CLTC: variants seen among roughly 807,000 people sequenced by gnomAD.
CLTC encodes the protein clathrin heavy chain.
CLTC carries 16 observed loss-of-function variants against 195.8 expected under a neutral mutation model. The observed-to-expected ratio is 0.08, with a 90% CI of 0.06 to 0.12. The LOEUF (loss-of-function observed/expected upper bound fraction) is 0.12, where lower values mean the gene tolerates loss of function less well. Ranked by LOEUF, CLTC falls within the 10% of genes least tolerant of loss-of-function variation. The probability of loss-of-function intolerance (pLI) is 1.00; values close to 1 mark genes in which losing one functional copy is unlikely to be tolerated. For missense variants in CLTC, 796 were observed against 2,027.0 expected (o/e 0.39, Z 11.66); for synonymous variants, 667 against 689.4 (o/e 0.97, Z 0.51).
At chr17:59,671,760 C>T (rs756575515) in intron 14 of CLTC, among the ~76,000 whole-genome samples, 11 of 152,202 alleles carry the variant, frequency 7.2e-5, no homozygotes, top group Admixed American at 5.2e-4. Flanking sequence ...TAACCTTGTC[C>T]TGCCGAAGGG....
At chr17:59,672,452 T>C (rs1259468621) in intron 14 of CLTC, among the ~76,000 whole-genome samples, 1 of 9,586 alleles carries the variant, frequency 1.0e-4, no homozygotes, top group Non-Finnish European at 5.4e-4. Flanking sequence ...GATCCATACT[T>C]TTTTGATGTT....
intron 1 of CLTC, among the ~76,000 whole-genome samples, chr17:59,640,642 C>T (rs998037564): frequency 1.4e-4 from 21 of 151,586 alleles, no homozygotes; most frequent in African/African-American, 1.5e-4. Context: ...TCGTGATCCA[C>T]GCCCCCTTGG....
intron 18 of CLTC, 104 bp downstream of exon 18, chr17:59,679,623 C>A: frequency 1.9e-6 from 2 of 1,036,300 alleles, no homozygotes; most frequent in Non-Finnish European, 2.6e-6. Flanking sequence ...TCATATATAA[C>A]TATGAGAGAA....
At chr17:59,687,008 C>T in intron 30 of CLTC, 2 of 988,752 alleles carry the variant, frequency 2.0e-6, no homozygotes, top group Non-Finnish European at 1.2e-6. Flanking sequence ...CAGGTTGATG[C>T]AATAAAGGAA....
intron 31 of CLTC, among the ~76,000 whole-genome samples, chr17:59,692,019 T>A (rs1244314924): frequency 6.6e-6 from 1 of 152,164 alleles, no homozygotes; most frequent in African/African-American, 2.4e-5. Context: ...GATGACTTTT[T>A]AAAAACTGGT....
rs2033430417 is a variant in CLTC, at chr17:59,696,539, CAAGA to C, written c.*2688_*2691del. The C allele has an allele frequency of 1.0e-5, 2 of 194,864 alleles. No homozygotes were observed. Among genetic ancestry groups the C allele is most frequent in the Admixed American group, 1.3e-4 (2 of 15,714 alleles). 12.1% of individuals were successfully genotyped at this position (194,864 alleles called of 1,614,324 possible). A position where few individuals can be genotyped will look rare whatever the true frequency, so the allele number is the denominator to read the frequency against. ...AAAAGAAGGCTTAAATAGTTTCTAA[CAAGA>C]TGACTATCAGGAAGCTATGTGGCTT... On this transcript the variant is annotated 3_prime_UTR_variant, in exon 32 of 32. Coordinates refer to ENST00000269122, the MANE Select transcript of CLTC (RefSeq NM_004859.4).
chr17:59,651,462 C>T (rs1219937291), intron 5 of CLTC, 146 bp downstream of exon 5: 6 of 640,114 alleles, frequency 9.4e-6, no homozygotes, highest in Non-Finnish European at 1.6e-5. Context: ...TAAAATAATA[C>T]CTTGGCTTTT....
chr17:59,636,532 T>C (rs1441383432), intron 1 of CLTC, among the ~76,000 whole-genome samples: 1 of 152,072 alleles, frequency 6.6e-6, no homozygotes. Context: ...CTCAGCTCAC[T>C]GCAACCTCTG....
rs2143573199 is a variant in CLTC at position 59,673,709 on chromosome 17, T to C, written c.2355T>C (p.His785=). Residue 785 remains histidine, a synonymous_variant, in exon 15 of 32, where the codon CAT becomes CAC. Transcript: ENST00000269122. Reference sequence around the variant, plus strand: ...TGTGTGATCGATTTGACTTTGTCCATGATTTGGTGCTCTATTTATATAGAA... The same window carrying C: ...TGTGTGATCGATTTGACTTTGTCCACGATTTGGTGCTCTATTTATATAGAA... The part of the protein sequence containing the change: ...IIVCDRFDFV[H]DLVLYLYRNN... 6.4e-7 allele frequency: 1 copy of C among 1,574,570 alleles called. No individual in the cohort carries two copies. Among genetic ancestry groups the C allele is most frequent in the East Asian group, 2.2e-5 (1 of 44,608 alleles).
At chr17:59,638,071 C>T (rs1303266568) in intron 1 of CLTC, among the ~76,000 whole-genome samples, 2 of 151,188 alleles carry the variant, frequency 1.3e-5, no homozygotes, top group African/African-American at 4.9e-5. Flanking sequence ...GAAAGAAATT[C>T]ACACCCAGAG....
rs545996033 is a variant in CLTC at position 59,631,842 on chromosome 17, C to T, written c.42+11669C>T. Among the ~76,000 whole-genome samples the T allele has an allele frequency of 5.3e-5, 8 of 152,000 alleles. No individual in the cohort carries two copies. In the East Asian group the frequency reaches 5.8e-4, roughly 11 times the overall value. On this transcript the variant is annotated intron_variant, in intron 1 of 31. Coordinates refer to ENST00000269122, the MANE Select transcript of CLTC (RefSeq NM_004859.4). ...AAAATTAGCCAGGTGTGGTGGCATG[C>T]GCCTGTAGTCCCATCTACTTGGGAG...
intron 4 of CLTC, among the ~76,000 whole-genome samples, chr17:59,650,920 C>G (rs985191161): frequency 6.6e-6 from 1 of 152,212 alleles, no homozygotes; most frequent in Non-Finnish European, 1.5e-5. Context: ...CTAATTTATT[C>G]TCCATCTCTA....
Position 59,619,920 on chromosome 17 carries a change from C to T in CLTC, c.-212C>T, listed in dbSNP as rs1598193799. 2 of 539,080 alleles carry T rather than the reference C, an allele frequency of 3.7e-6. No homozygotes were observed. Among genetic ancestry groups the T allele is most frequent in the East Asian group, 3.0e-5 (1 of 33,264 alleles). The allele number at this position is 539,080 out of a possible 1,614,324, so 33.4% of individuals were successfully genotyped here. On this transcript the variant is annotated 5_prime_UTR_variant, in exon 1 of 32. Transcript: ENST00000269122. ...AGCCGTTTCCGGAGTCTGCGCTGCG[C>T]CCGGTTCCGCCATTGCGGCTCTCCT...
chr17:59,640,371 C>T (rs988830232), intron 1 of CLTC, among the ~76,000 whole-genome samples: 1 of 151,480 alleles, frequency 6.6e-6, no homozygotes, highest in African/African-American at 2.4e-5. Context: ...CAAATTTAAC[C>T]TTCTCTTAGC....
intron 31 of CLTC, among the ~76,000 whole-genome samples, chr17:59,691,442 GTGAATCGCCGTGTCTAC>G (rs1347524723): frequency 6.6e-6 from 1 of 151,926 alleles, no homozygotes; most frequent in African/African-American, 2.4e-5. Flanking sequence ...GGCTAACACA[GTGAATCGCCGTGTCTAC>G]TAAAAATGCA....
intron 4 of CLTC, 95 bp from the exon 5 acceptor site, chr17:59,651,108 A>G (rs2032317803): frequency 2.7e-6 from 2 of 739,664 alleles, no homozygotes; most frequent in African/African-American, 1.8e-5. Flanking sequence ...TCTGTAGAAC[A>G]TGTTGGTTGT....
chr17:59,653,497 C>T (rs960731607), intron 5 of CLTC, among the ~76,000 whole-genome samples: 2 of 150,232 alleles, frequency 1.3e-5, no homozygotes, highest in African/African-American at 4.9e-5. Flanking sequence ...CCGGCCTCCT[C>T]TCCCTCTCCT....
chr17:59,635,011 C>CT (rs2031822190), intron 1 of CLTC, among the ~76,000 whole-genome samples: 1 of 152,218 alleles, frequency 6.6e-6, no homozygotes, highest in Non-Finnish European at 1.5e-5. Flanking sequence ...TTAACCAAAT[C>CT]TTTAAGTACT....
At chr17:59,691,456 C>T (rs191029854) in intron 31 of CLTC, among the ~76,000 whole-genome samples, 255 of 151,860 alleles carry the variant, frequency 1.7e-3, no homozygotes, top group Middle Eastern at 6.8e-3. Flanking sequence ...ATCGCCGTGT[C>T]TACTAAAAAT....
Sources: gnomAD v4.1 joint callset for allele counts (sites outside exome capture counted in the v4.1 genomes callset) on GRCh38, gnomAD v4.1.1 for gene constraint, MANE v1.5 for transcripts, NCBI Gene and HGNC (gene_info 2026-07-23, HGNC 2026-07-21) for gene names.